SNTG1: variants seen among roughly 807,000 people sequenced by gnomAD.
SNTG1 encodes the protein gamma-1-syntrophin.
In SNTG1, 39 loss-of-function variants were observed where a neutral mutation model predicts 74.7. The observed-to-expected ratio is 0.52, with a 90% CI of 0.40 to 0.68. The LOEUF (loss-of-function observed/expected upper bound fraction) is 0.68. Among genes scored for constraint, SNTG1 ranks in the 30% least tolerant of loss-of-function variants. The pLI is 0.00. For synonymous variants in SNTG1, 254 were observed against 217.1 expected (o/e 1.17, Z -1.49); for missense variants, 685 against 609.5 (o/e 1.12, Z -1.30).
At chr8:50,104,021 T>C (rs1243690901) in intron 1 of SNTG1, among the ~76,000 whole-genome samples, 1 of 152,178 alleles carries the variant, frequency 6.6e-6, no homozygotes, top group Non-Finnish European at 1.5e-5. Context: ...TCTAAAATTC[T>C]CTTTTTTGGT....
At chr8:50,591,096 C>T (rs887895034) in intron 13 of SNTG1, among the ~76,000 whole-genome samples, 179 bp downstream of exon 13, 17 of 151,932 alleles carry the variant, frequency 1.1e-4, no homozygotes, top group Admixed American at 1.0e-3. Flanking sequence ...GGTTCCTCTA[C>T]TTATATTAAA....
intron 15 of SNTG1, among the ~76,000 whole-genome samples, chr8:50,671,380 G>A (rs1296514974): frequency 1.5e-3 from 234 of 151,416 alleles, no homozygotes; most frequent in Admixed American, 5.2e-3. Context: ...AAAAGTGGGC[G>A]AAGGACATGA....
intron 18 of SNTG1, among the ~76,000 whole-genome samples, chr8:50,761,556 T>C (rs1438922335): frequency 1.3e-5 from 2 of 151,838 alleles, no homozygotes; most frequent in East Asian, 2.0e-4. Context: ...GGTTACCTAG[T>C]TTCTCTTGAG....
chr8:49,954,453 G>A (rs1344428245), intron 1 of SNTG1, among the ~76,000 whole-genome samples: 1 of 152,106 alleles, frequency 6.6e-6, no homozygotes, highest in Non-Finnish European at 1.5e-5. Flanking sequence ...AGAGGAGAAA[G>A]GTGATTTGTT....
chr8:50,539,162 T>G (rs2094328313), intron 11 of SNTG1, among the ~76,000 whole-genome samples: 1 of 152,196 alleles, frequency 6.6e-6, no homozygotes, highest in South Asian at 2.1e-4. Context: ...CATTTCATTG[T>G]TAGTATCATT....
intron 1 of SNTG1, among the ~76,000 whole-genome samples, chr8:50,093,367 A>G (rs1299987680): frequency 6.6e-6 from 1 of 152,154 alleles, no homozygotes; most frequent in Non-Finnish European, 1.5e-5. Context: ...TCACAATCAC[A>G]TAGACATCAT....
chr8:50,075,830 G>A (rs1411854475), intron 1 of SNTG1, among the ~76,000 whole-genome samples: 3 of 152,096 alleles, frequency 2.0e-5, no homozygotes, highest in Admixed American at 2.0e-4. Flanking sequence ...ACGAAGGTCT[G>A]CAACTTCATT....
intron 2 of SNTG1, among the ~76,000 whole-genome samples, chr8:50,393,051 G>T (rs184191919): frequency 0.01 from 1,424 of 138,172 alleles, 28 homozygotes; most frequent in African/African-American, 0.033. Context: ...ATATTTACAG[G>T]TTCTTCAAAT....
chr8:50,184,515 T>C (rs1235800221), intron 2 of SNTG1, among the ~76,000 whole-genome samples: 1 of 152,230 alleles, frequency 6.6e-6, no homozygotes, highest in Non-Finnish European at 1.5e-5. Context: ...CTTATTTTGG[T>C]AGCTTCAGCC....
intron 1 of SNTG1, among the ~76,000 whole-genome samples, chr8:49,958,584 C>T (rs977590426): frequency 1.1e-4 from 17 of 152,198 alleles, no homozygotes; most frequent in Non-Finnish European, 2.4e-4. Context: ...CCACGCCTGG[C>T]TAATTTTGGT....
chr8:50,072,789 G>A (rs1053733738), intron 1 of SNTG1, among the ~76,000 whole-genome samples: 6 of 152,148 alleles, frequency 3.9e-5, no homozygotes, highest in Non-Finnish European at 5.9e-5. Flanking sequence ...GGTGAATATT[G>A]TAATAAAGTG....
In SNTG1 at chr8:50,794,377, C is replaced by T. The variant is rs2131882395; in HGVS notation, c.*1548C>T. ...GCATCAGATTAATTTGTAAATACAT[C>T]AAATTGAAAAGAAAAAGTGAGGGTT... On this transcript the variant is annotated 3_prime_UTR_variant, in exon 19 of 19. Transcript: ENST00000642720. 6.6e-6 allele frequency: 1 copy of T among 151,754 alleles called. No individual in the cohort carries two copies. Among genetic ancestry groups the T allele is most frequent in the South Asian group, 2.1e-4 (1 of 4,818 alleles). The allele number at this position is 151,754 out of a possible 1,614,324, so 9.4% of individuals were successfully genotyped here.
chr8:50,712,931 C>A (rs764299733), intron 17 of SNTG1, among the ~76,000 whole-genome samples: 1 of 152,160 alleles, frequency 6.6e-6, no homozygotes, highest in Non-Finnish European at 1.5e-5. Context: ...GGTTCCAAGT[C>A]TTTGCTATTG....
At chr8:50,282,918 G>A (rs942879672) in intron 2 of SNTG1, among the ~76,000 whole-genome samples, 1 of 152,116 alleles carries the variant, frequency 6.6e-6, no homozygotes, top group Non-Finnish European at 1.5e-5. Context: ...GATTATTATT[G>A]AACTCATGCA....
intron 1 of SNTG1, chr8:50,011,647 G>C (rs1193134681): frequency 6.6e-6 from 1 of 151,272 alleles, no homozygotes; most frequent in Admixed American, 6.6e-5. Flanking sequence ...AAGATCTTTT[G>C]AGCCTTCCTG....
At chr8:50,087,910 T>G (rs1327445960) in intron 1 of SNTG1, among the ~76,000 whole-genome samples, 1 of 146,770 alleles carries the variant, frequency 6.8e-6, no homozygotes, top group Non-Finnish European at 1.5e-5. Context: ...TAGGTATATC[T>G]CCCAATGTTA....
At chr8:50,542,661 C>G (rs1349751249) in intron 11 of SNTG1, among the ~76,000 whole-genome samples, 1 of 152,020 alleles carries the variant, frequency 6.6e-6, no homozygotes, top group African/African-American at 2.4e-5. Flanking sequence ...TTTTGAGAAC[C>G]CTCCAAACTG....
Position 50,216,207 on chromosome 8 carries a change from A to G in SNTG1, c.-28+43572A>G, listed in dbSNP as rs371514050. 1.1e-4 allele frequency among the ~76,000 whole-genome samples: 17 copies of G among 152,274 alleles called. No homozygotes were observed. The East Asian group carries it at 1.7e-3, about 16-fold the overall frequency. On this transcript the variant is annotated intron_variant, in intron 2 of 18. Coordinates refer to ENST00000642720, the MANE Select transcript of SNTG1 (RefSeq NM_018967.5). ...AAGCATCTTTAAAAGCCACAAAAGG[A>G]TAGGAACATTTGTAAATGACCTTTT...
At chr8:50,330,074 T>A (rs1484256580) in intron 2 of SNTG1, among the ~76,000 whole-genome samples, 8 of 152,172 alleles carry the variant, frequency 5.3e-5, no homozygotes, top group African/African-American at 1.9e-4. Flanking sequence ...ATGGTTTGGC[T>A]GTGTCCCCAC....
Sources: allele counts gnomAD v4.1 joint callset (sites outside exome capture counted in the v4.1 genomes callset), GRCh38; gene constraint gnomAD v4.1.1; transcripts MANE v1.5; gene names NCBI Gene and HGNC (gene_info 2026-07-23, HGNC 2026-07-21).